The following ACCSL variants were observed in gnomAD, a reference collection of about 807,000 sequenced individuals.
The protein encoded by ACCSL is 1-aminocyclopropane-1-carboxylate synthase homolog (inactive) like, also known as probable inactive 1-aminocyclopropane-1-carboxylate synthase-like protein 2.
A neutral mutation model predicts 61.7 loss-of-function variants in ACCSL; 55 were observed. The ratio of observed to expected loss-of-function variants is 0.89; its 90% CI spans 0.72 to 1.12. ACCSL has a LOEUF of 1.12. Ranked by LOEUF, ACCSL falls within the 50% of genes most tolerant of loss-of-function variation. ACCSL has a pLI of 0.00. For synonymous variants in ACCSL, 258 were observed against 264.3 expected (o/e 0.98, Z 0.23); for missense variants, 632 against 698.0 (o/e 0.91, Z 1.07).
chr11:43,978,790 T>G, the ACCSL span, among the ~76,000 whole-genome samples: 1 of 122,470 alleles, frequency 8.2e-6, no homozygotes, highest in Admixed American at 7.5e-5. Context: ...TGGGTTTTTT[T>G]TTTTTTTTTT....
At chr11:43,946,029 A>G in the ACCSL span, among the ~76,000 whole-genome samples, 8 of 152,166 alleles carry the variant, frequency 5.3e-5, no homozygotes, top group African/African-American at 1.2e-4. Flanking sequence ...GTTGAAATGA[A>G]TAAAGAGGTG....
chr11:44,011,105 C>T, the ACCSL span, among the ~76,000 whole-genome samples: 11 of 152,304 alleles, frequency 7.2e-5, no homozygotes, highest in East Asian at 5.8e-4. Flanking sequence ...TGTCTCTCCT[C>T]GCCCCACTGG....
the ACCSL span, among the ~76,000 whole-genome samples, chr11:43,980,853 T>C: frequency 1.3e-5 from 2 of 151,700 alleles, no homozygotes; most frequent in Admixed American, 6.6e-5. Context: ...TAAGCGCTAT[T>C]ATCATCATCA....
the ACCSL span, among the ~76,000 whole-genome samples, chr11:44,009,487 C>T: frequency 4.6e-5 from 7 of 152,258 alleles, no homozygotes; most frequent in East Asian, 1.2e-3. Context: ...TGCTCAGGGC[C>T]GGGCGCAGTG....
chr11:43,978,405 A>G, the ACCSL span, among the ~76,000 whole-genome samples: 1 of 152,180 alleles, frequency 6.6e-6, no homozygotes, highest in Non-Finnish European at 1.5e-5. Context: ...AAAGGCAAAA[A>G]CCCTAACATA....
chr11:44,026,586 T>G, the ACCSL span, among the ~76,000 whole-genome samples: 1 of 152,244 alleles, frequency 6.6e-6, no homozygotes, highest in African/African-American at 2.4e-5. Context: ...GGCCATACTT[T>G]CCTGTTTCTT....
In ACCSL at chr11:44,051,699, T is replaced by C. The variant is rs1002048762; in HGVS notation, c.752T>C (p.Met251Thr). ...TGCTCTGTCTTCTGTGCCCTGGCCA[T>C]GGTTCTGTGTGATCCAGGCGGTAAG... is the stretch of plus-strand genomic sequence containing the variant. ...GCCSVFCALAMVLCDPGEAFL... is the reference protein window; with the variant it reads ...GCCSVFCALATVLCDPGEAFL... Residue 251 changes from methionine to threonine, a missense_variant, in exon 5 of 14, where the codon ATG becomes ACG. Met to Thr is a moderately conservative substitution (Grantham distance 81). Transcript: ENST00000378832. 13 of 1,614,066 alleles carry C rather than the reference T, an allele frequency of 8.1e-6. No homozygotes were observed. Among genetic ancestry groups the C allele is most frequent in the Non-Finnish European group, 3.4e-6 (4 of 1,180,044 alleles).
chr11:43,987,111 A>AGC, the ACCSL span, among the ~76,000 whole-genome samples: 2 of 152,106 alleles, frequency 1.3e-5, no homozygotes, highest in East Asian at 3.9e-4. Flanking sequence ...AAGAAGAACA[A>AGC]GCAATGGATC....
the ACCSL span, among the ~76,000 whole-genome samples, chr11:43,989,359 C>T: frequency 1.3e-5 from 2 of 152,224 alleles, no homozygotes; most frequent in South Asian, 2.1e-4. Context: ...GAGCCCTCCA[C>T]GGATCTCCCC....
At chr11:44,002,940 C>T in the ACCSL span, among the ~76,000 whole-genome samples, 3 of 152,040 alleles carry the variant, frequency 2.0e-5, no homozygotes, top group Admixed American at 2.0e-4. Flanking sequence ...GGGTGACTTT[C>T]TGGGAGTAGG....
chr11:44,035,282 CG>C, the ACCSL span, among the ~76,000 whole-genome samples: 1 of 151,858 alleles, frequency 6.6e-6, no homozygotes, highest in Non-Finnish European at 1.5e-5. Context: ...GTCTCGTTGC[CG>C]TCTCTCTTCC....
At chr11:43,977,255 C>A in the ACCSL span, among the ~76,000 whole-genome samples, 23 of 152,270 alleles carry the variant, frequency 1.5e-4, no homozygotes, top group Non-Finnish European at 2.6e-4. Context: ...ATATGTTACA[C>A]TACATAGCAA....
the ACCSL span, among the ~76,000 whole-genome samples, chr11:43,998,182 G>A: frequency 6.6e-3 from 999 of 152,276 alleles, 4 homozygotes; most frequent in African/African-American, 0.022. Flanking sequence ...TGTGTAAAGC[G>A]TTCAGCCAGG....
At chr11:44,031,953 G>A in the ACCSL span, among the ~76,000 whole-genome samples, 1 of 152,184 alleles carries the variant, frequency 6.6e-6, no homozygotes, top group African/African-American at 2.4e-5. Context: ...GCAATCTTGG[G>A]AAATTCCCTC....
the ACCSL span, among the ~76,000 whole-genome samples, chr11:43,959,622 C>G: frequency 1.3e-5 from 2 of 152,200 alleles, no homozygotes; most frequent in African/African-American, 4.8e-5. Context: ...AGCCCTGGCT[C>G]TACTCTGCCC....
chr11:44,013,201 G>A, the ACCSL span, among the ~76,000 whole-genome samples: 1 of 152,146 alleles, frequency 6.6e-6, no homozygotes, highest in Admixed American at 6.6e-5. Flanking sequence ...CATACTTTTG[G>A]GCTAAAAATA....
At chr11:43,936,836 G>C in the ACCSL span, among the ~76,000 whole-genome samples, 42 of 152,194 alleles carry the variant, frequency 2.8e-4, no homozygotes, top group African/African-American at 9.9e-4. Context: ...CGGGGATCTA[G>C]GCAGTATGGG....
At chr11:44,032,880 C>T in the ACCSL span, among the ~76,000 whole-genome samples, 1,946 of 152,264 alleles carry the variant, frequency 0.013, 16 homozygotes, top group Middle Eastern at 0.024. Context: ...CACAGAAACT[C>T]TCAGCTCATC....
chr11:44,041,929 A>G, the ACCSL span, among the ~76,000 whole-genome samples: 1 of 152,214 alleles, frequency 6.6e-6, no homozygotes, highest in Admixed American at 6.5e-5. Flanking sequence ...GTATCTTTTT[A>G]GCATCTATAG....
Sources: allele counts gnomAD v4.1 joint callset (sites outside exome capture counted in the v4.1 genomes callset), GRCh38; gene constraint gnomAD v4.1.1; transcripts MANE v1.5; gene names NCBI Gene and HGNC (gene_info 2026-07-23, HGNC 2026-07-21).